WDR1: variants seen among roughly 807,000 people sequenced by gnomAD.
WDR1 encodes WD repeat domain 1, also known as WD repeat-containing protein 1.
Under a neutral mutation model 71.9 loss-of-function variants are expected in WDR1, and 21 were observed. The ratio of observed to expected loss-of-function variants is 0.29; its 90% CI spans 0.21 to 0.42. The LOEUF is 0.42. WDR1 is among the 10% of genes least tolerant of loss of function. The pLI, the probability that WDR1 is intolerant of heterozygous loss-of-function variation, is 1.00. For synonymous variants in WDR1, 424 were observed against 347.4 expected (o/e 1.22, Z -2.45); for missense variants, 696 against 824.5 (o/e 0.84, Z 1.91).
intron 3 of WDR1, among the ~76,000 whole-genome samples, chr4:10,101,890 G>A (rs1712703421): frequency 6.6e-6 from 1 of 152,258 alleles, no homozygotes; most frequent in African/African-American, 2.4e-5. Flanking sequence ...TTTAAATGAA[G>A]AGACTTTTGC....
intron 11 of WDR1, among the ~76,000 whole-genome samples, chr4:10,079,215 CAACT>C (rs1216516983): frequency 1.3e-5 from 2 of 152,246 alleles, no homozygotes; most frequent in African/African-American, 4.8e-5. Context: ...GCAGGAAACA[CAACT>C]AACTGTGACC....
chr4:10,098,205 C>G (rs1178954914), intron 4 of WDR1, among the ~76,000 whole-genome samples: 5 of 152,198 alleles, frequency 3.3e-5, no homozygotes, highest in Admixed American at 2.6e-4. Context: ...CCTTACAGTT[C>G]TATTGGGAGG....
intron 12 of WDR1, chr4:10,078,545 A>T (rs1303317892): frequency 4.6e-6 from 1 of 216,854 alleles, no homozygotes; most frequent in Non-Finnish European, 9.2e-6. Flanking sequence ...TGATTTCCTG[A>T]CCTGCTACCC....
At chr4:10,087,996 C>A (rs76623094) in intron 7 of WDR1, 56 bp from the exon 8 acceptor site, 1 of 1,468,932 alleles carries the variant, frequency 6.8e-7, no homozygotes, top group Admixed American at 2.2e-5. Flanking sequence ...TGGAGAGAGA[C>A]CCCAAAAAGC....
chr4:10,102,356 G>C (rs938804722), intron 3 of WDR1, among the ~76,000 whole-genome samples: 3 of 152,256 alleles, frequency 2.0e-5, no homozygotes, highest in African/African-American at 7.2e-5. Flanking sequence ...CCATGTGCTG[G>C]AAACTTAATC....
intron 9 of WDR1, among the ~76,000 whole-genome samples, chr4:10,084,180 G>A (rs764319919): frequency 1.3e-5 from 2 of 152,214 alleles, no homozygotes; most frequent in African/African-American, 4.8e-5. Context: ...AGGGTTGCAC[G>A]ACAAGAAGGG....
chr4:10,089,505 G>A (rs907024205), intron 5 of WDR1, among the ~76,000 whole-genome samples: 1 of 152,234 alleles, frequency 6.6e-6, no homozygotes, highest in African/African-American at 2.4e-5. Context: ...GGGCGACTCT[G>A]TTACTCGAAT....
chr4:10,093,806 T>C (rs911267462), intron 5 of WDR1, among the ~76,000 whole-genome samples: 2 of 152,200 alleles, frequency 1.3e-5, no homozygotes, highest in African/African-American at 4.8e-5. Context: ...CACAGGGGCA[T>C]GGCCCAGGCA....
At chr4:10,108,746 A>G (rs1338115598) in intron 2 of WDR1, among the ~76,000 whole-genome samples, 1 of 152,220 alleles carries the variant, frequency 6.6e-6, no homozygotes, top group Non-Finnish European at 1.5e-5. Context: ...CTGCGACAAC[A>G]CAACGCCTTC....
At position 10,081,458 on chromosome 4, in the gene WDR1, AG is replaced by A; in HGVS notation, c.1197-15del. On this transcript the variant is annotated splice_polypyrimidine_tract_variant and intron_variant, in intron 10 of 14. Coordinates refer to ENST00000499869, the MANE Select transcript of WDR1 (RefSeq NM_017491.5). ...ACTCCTTGTCCGCTGTTAGAGAGAA[AG>A]GAAGCACATTACTTCGACAATGCAG... 6.2e-7 allele frequency: 1 copy of A among 1,613,144 alleles called. No individual in the cohort carries two copies. Among genetic ancestry groups the A allele is most frequent in the Non-Finnish European group, 8.5e-7 (1 of 1,179,202 alleles).
chr4:10,105,067 G>A (rs1443147317), intron 2 of WDR1, among the ~76,000 whole-genome samples: 2 of 152,106 alleles, frequency 1.3e-5, no homozygotes, highest in Non-Finnish European at 2.9e-5. Flanking sequence ...TGTGTAGTCT[G>A]TGCCCTTGGC....
intron 14 of WDR1, chr4:10,076,048 C>G (rs547348300): frequency 6.5e-6 from 1 of 154,074 alleles, no homozygotes; most frequent in South Asian, 2.0e-4. Flanking sequence ...GCTTATGGCT[C>G]CTCTGTGGCT....
chr4:10,099,459 C>G (rs2241486), intron 3 of WDR1, among the ~76,000 whole-genome samples: 44,625 of 152,216 alleles, frequency 0.29, 6,836 homozygotes, highest in East Asian at 0.45. Context: ...AGGGACACAT[C>G]ATGGTAAACT....
chr4:10,102,449 A>G lies in WDR1; in HGVS notation c.229+1447T>C, dbSNP rs994572770. ...CAGGAATGGGTATTATGACATGAGC[A>G]GCTTCCCAATAAAAGGACAAGCCCA... On this transcript the variant is annotated intron_variant, in intron 3 of 14. Coordinates refer to ENST00000499869, the MANE Select transcript of WDR1 (RefSeq NM_017491.5). 3.9e-5 allele frequency among the ~76,000 whole-genome samples: 6 copies of G among 152,232 alleles called. No homozygotes were observed. The East Asian group carries it at 1.2e-3, about 29-fold the overall frequency.
chr4:10,084,678 C>A (rs1765143165), intron 8 of WDR1, 148 bp from the exon 9 acceptor site: 2 of 716,626 alleles, frequency 2.8e-6, no homozygotes, highest in Admixed American at 4.5e-5. Context: ...GCCCCAGTAG[C>A]CCCAGCTGCC....
At chr4:10,116,084 G>C (rs771846078) in intron 2 of WDR1, 29 bp downstream of exon 2, 3 of 1,604,566 alleles carry the variant, frequency 1.9e-6, no homozygotes, top group African/African-American at 2.7e-5. Flanking sequence ...CTCCGGAGCA[G>C]AACCGCGCCC....
intron 2 of WDR1, chr4:10,106,633 G>C (rs1344968463): frequency 6.6e-6 from 1 of 152,274 alleles, no homozygotes; most frequent in Non-Finnish European, 1.5e-5. Context: ...ATGAGAGGAA[G>C]TTCTGCCCCT....
At chr4:10,102,679 G>A (rs1422253547) in intron 3 of WDR1, among the ~76,000 whole-genome samples, 1 of 152,158 alleles carries the variant, frequency 6.6e-6, no homozygotes, top group East Asian at 1.9e-4. Flanking sequence ...GCCGAACCCA[G>A]GTCTTCCCCA....
intron 3 of WDR1, among the ~76,000 whole-genome samples, chr4:10,099,493 G>C (rs1379990324): frequency 6.6e-6 from 1 of 152,272 alleles, no homozygotes; most frequent in East Asian, 1.9e-4. Flanking sequence ...AAGTGGTTTA[G>C]TTTTCTCACT....
Sources: gnomAD v4.1 joint callset for allele counts (sites outside exome capture counted in the v4.1 genomes callset) on GRCh38, gnomAD v4.1.1 for gene constraint, MANE v1.5 for transcripts, NCBI Gene and HGNC (gene_info 2026-07-23, HGNC 2026-07-21) for gene names.